Variants in RCOR1 observed in about 807,000 individuals in gnomAD.
RCOR1 encodes REST corepressor 1, also known as REST corepressor.
A neutral mutation model predicts 64.0 loss-of-function variants in RCOR1; 12 were observed. The ratio of observed to expected loss-of-function variants is 0.19; its 90% CI spans 0.12 to 0.30. RCOR1 has a LOEUF of 0.30. Ranked by LOEUF, RCOR1 falls within the 10% of genes least tolerant of loss-of-function variation. The pLI is 1.00. For synonymous variants in RCOR1, 279 were observed against 227.2 expected, an observed-to-expected ratio of 1.23 and a Z score of -2.05; for missense variants, 502 against 621.2, an observed-to-expected ratio of 0.81 and a Z score of 2.04.
At chr14:102,609,503 G>A (rs927544038) in intron 2 of RCOR1, among the ~76,000 whole-genome samples, 9 of 151,968 alleles carry the variant, frequency 5.9e-5, no homozygotes, top group Non-Finnish European at 1.2e-4. Context: ...GCATTGGTGC[G>A]ATCTCGGCTC....
At chr14:102,662,776 G>T (rs984448039) in intron 2 of RCOR1, 2 of 229,222 alleles carry the variant, frequency 8.7e-6, no homozygotes, top group Admixed American at 4.9e-5. Flanking sequence ...CAGATTATAA[G>T]ATTATGTTGG....
At position 102,728,966 on chromosome 14, in the gene RCOR1, T is replaced by C. The variant is rs756106990; in HGVS notation, c.*2460T>C. ...GCTTTAAAAGCGCAGTGGTTTGATC[T>C]TATTTATATGAAGACTTTTTAACAT... On this transcript the variant is annotated 3_prime_UTR_variant, in exon 12 of 12. Coordinates refer to ENST00000262241, the MANE Select transcript of RCOR1 (RefSeq NM_015156.4). 6.5e-6 allele frequency: 1 copy of C among 152,686 alleles called. No homozygotes were observed. Among genetic ancestry groups the C allele is most frequent in the African/African-American group, 2.4e-5 (1 of 41,470 alleles). 9.5% of individuals were successfully genotyped at this position (152,686 alleles called of 1,614,324 possible).
At chr14:102,726,404 TAGC>T in intron 11 of RCOR1, 61 bp from the exon 12 acceptor site, 1 of 1,432,936 alleles carries the variant, frequency 7.0e-7, no homozygotes, top group South Asian at 1.2e-5. Context: ...ACACTGGAAA[TAGC>T]AGCTTGTGTT....
intron 4 of RCOR1, among the ~76,000 whole-genome samples, chr14:102,706,784 T>A (rs1311109112): frequency 6.6e-6 from 1 of 151,914 alleles, no homozygotes; most frequent in Non-Finnish European, 1.5e-5. Context: ...TGAGTGCCAC[T>A]GCACTCCAGC....
chr14:102,668,631 T>G (rs1485612851), intron 2 of RCOR1, among the ~76,000 whole-genome samples: 3 of 152,168 alleles, frequency 2.0e-5, no homozygotes, highest in Admixed American at 2.0e-4. Flanking sequence ...CCTCTCCTTT[T>G]TTGCAGGGGG....
At chr14:102,635,335 C>G (rs1440650096) in intron 2 of RCOR1, among the ~76,000 whole-genome samples, 2 of 152,090 alleles carry the variant, frequency 1.3e-5, no homozygotes, top group African/African-American at 2.4e-5. Context: ...GAAAACCCAT[C>G]TCTACTAAAA....
At chr14:102,605,712 T>A (rs1027078334) in intron 2 of RCOR1, among the ~76,000 whole-genome samples, 1 of 152,214 alleles carries the variant, frequency 6.6e-6, no homozygotes, top group Non-Finnish European at 1.5e-5. Flanking sequence ...GTATTCCTAC[T>A]TATAAAAATT....
chr14:102,650,529 A>G (rs1180769852), intron 2 of RCOR1, among the ~76,000 whole-genome samples: 1 of 152,190 alleles, frequency 6.6e-6, no homozygotes, highest in Admixed American at 6.5e-5. Context: ...ACATTCTACA[A>G]ACCTCGCCAC....
intron 2 of RCOR1, among the ~76,000 whole-genome samples, chr14:102,665,992 C>T (rs919873683): frequency 6.6e-6 from 1 of 152,156 alleles, no homozygotes; most frequent in African/African-American, 2.4e-5. Context: ...AGAGCCTAAA[C>T]TGTGATAGAG....
intron 2 of RCOR1, among the ~76,000 whole-genome samples, chr14:102,637,637 C>T (rs1019827729): frequency 4.6e-5 from 7 of 151,782 alleles, no homozygotes; most frequent in Admixed American, 1.3e-4. Flanking sequence ...TTTGTAGAGT[C>T]GAGATTTTTG....
intron 3 of RCOR1, among the ~76,000 whole-genome samples, chr14:102,688,757 C>A (rs2139967347): frequency 6.6e-6 from 1 of 152,290 alleles, no homozygotes; most frequent in South Asian, 2.1e-4. Flanking sequence ...CCACACGTTT[C>A]TGTTGAACCC....
intron 2 of RCOR1, among the ~76,000 whole-genome samples, chr14:102,640,210 C>T (rs763882743): frequency 2.6e-5 from 4 of 151,738 alleles, no homozygotes; most frequent in Non-Finnish European, 5.9e-5. Flanking sequence ...TCTTGAACTC[C>T]GGAATTTCAG....
At chr14:102,623,965 G>T (rs1426754939) in intron 2 of RCOR1, among the ~76,000 whole-genome samples, 2 of 131,276 alleles carry the variant, frequency 1.5e-5, no homozygotes, top group African/African-American at 5.7e-5. Context: ...AGGCTGAGGC[G>T]GGTGGATCAT....
chr14:102,617,068 G>A (rs1191905068), intron 2 of RCOR1, among the ~76,000 whole-genome samples: 1 of 152,216 alleles, frequency 6.6e-6, no homozygotes, highest in Admixed American at 6.5e-5. Flanking sequence ...ATCACAATAT[G>A]TTATTAAGAG....
chr14:102,621,539 C>T (rs1440192634), intron 2 of RCOR1, among the ~76,000 whole-genome samples: 1 of 152,000 alleles, frequency 6.6e-6, no homozygotes, highest in Non-Finnish European at 1.5e-5. Context: ...TGAGCCCAGC[C>T]TCAGGTTGTC....
intron 7 of RCOR1, 45 bp downstream of exon 7, chr14:102,711,058 C>A: frequency 1.6e-6 from 2 of 1,243,980 alleles, no homozygotes; most frequent in Non-Finnish European, 2.3e-6. Flanking sequence ...AATTTTATTA[C>A]TAGTTTCATA....
Position 102,721,018 on chromosome 14 carries a change from T to C in RCOR1, c.1065T>C (p.Ile355=), listed in dbSNP as rs201688800. 2,803 of 1,531,622 alleles carry C rather than the reference T, an allele frequency of 1.8e-3. 79 individuals carry two copies. In the South Asian group the frequency reaches 0.031, roughly 17 times the overall value. 94.9% of individuals were successfully genotyped at this position (1,531,622 alleles called of 1,614,324 possible). A position where few individuals can be genotyped will look rare whatever the true frequency, so the allele number is the denominator to read the frequency against. The change falls in exon 9 of 12, where the codon ATT becomes ATC. Residue 355 remains isoleucine (I), a synonymous_variant. Transcript: ENST00000262241. Reference sequence around the variant, plus strand: ...TTTTTCCTTCCTAGATCCAGAATATTAAACAGACAAACAGTGCTCTCAAAG... The same window carrying C: ...TTTTTCCTTCCTAGATCCAGAATATCAAACAGACAAACAGTGCTCTCAAAG... ...LVSVKRQIQN[I]KQTNSALKEK... is the part of the protein sequence containing the mutation.
intron 2 of RCOR1, among the ~76,000 whole-genome samples, chr14:102,635,813 G>T (rs1035652691): frequency 6.6e-6 from 1 of 152,118 alleles, no homozygotes; most frequent in Non-Finnish European, 1.5e-5. Flanking sequence ...TGAGCCAGGC[G>T]TGGTGTCATG....
At chr14:102,644,363 T>C (rs1327542477) in intron 2 of RCOR1, among the ~76,000 whole-genome samples, 1 of 152,226 alleles carries the variant, frequency 6.6e-6, no homozygotes, top group Admixed American at 6.5e-5. Flanking sequence ...GAACATAGAT[T>C]CCATCTCTTG....
Sources: gnomAD v4.1 joint callset for allele counts (sites outside exome capture counted in the v4.1 genomes callset) on GRCh38, gnomAD v4.1.1 for gene constraint, MANE v1.5 for transcripts, NCBI Gene and HGNC (gene_info 2026-07-23, HGNC 2026-07-21) for gene names.